ARFGAP3: variants seen among roughly 807,000 people sequenced by gnomAD.
ARFGAP3 encodes ADP-ribosylation factor GTPase-activating protein 3.
A neutral mutation model predicts 75.0 loss-of-function variants in ARFGAP3; 72 were observed. The ratio of observed to expected loss-of-function variants is 0.96; its 90% CI spans 0.79 to 1.17. The LOEUF (loss-of-function observed/expected upper bound fraction) is 1.17. ARFGAP3 is among the 50% of genes most tolerant of loss of function. The probability of loss-of-function intolerance (pLI) is 0.00; values close to 1 mark genes in which losing one functional copy is unlikely to be tolerated. For missense variants in ARFGAP3, 620 were observed against 626.6 expected (o/e 0.99, Z 0.11); for synonymous variants, 221 against 217.9 (o/e 1.01, Z -0.13).
chr22:42,798,430 C>G (rs1455935426), intron 15 of ARFGAP3, among the ~76,000 whole-genome samples: 1 of 152,244 alleles, frequency 6.6e-6, no homozygotes, highest in Non-Finnish European at 1.5e-5. Flanking sequence ...CTGACGTAAA[C>G]AAGAAGGTGC....
chr22:42,799,830 C>CATCA lies in ARFGAP3; in HGVS notation c.1412-674_1412-671dup, dbSNP rs143966992. Among the ~76,000 whole-genome samples the CATCA allele has an allele frequency of 1.2e-4, 19 of 152,322 alleles. No individual in the cohort carries two copies. In the East Asian group the frequency reaches 3.3e-3, roughly 26 times the overall value. On this transcript the variant is annotated intron_variant, in intron 14 of 15. Transcript: ENST00000263245. ...CCCAAGGAGGTGAGCCAAATAGATG[C>CATCA]ATCACTGATGCTGTCTGACTGTGAC...
chr22:42,821,037 C>G (rs1215439828), intron 9 of ARFGAP3, among the ~76,000 whole-genome samples: 4 of 152,128 alleles, frequency 2.6e-5, no homozygotes, highest in African/African-American at 9.7e-5. Context: ...TCCAACTCCT[C>G]CACTTCAGGC....
chr22:42,825,699 A>AT (rs1342817016), intron 7 of ARFGAP3, among the ~76,000 whole-genome samples: 1 of 151,994 alleles, frequency 6.6e-6, no homozygotes, highest in African/African-American at 2.4e-5. Context: ...AAAAAAAAAA[A>AT]AAGAAACATA....
intron 11 of ARFGAP3, among the ~76,000 whole-genome samples, chr22:42,815,474 C>T (rs1925537555): frequency 6.7e-6 from 1 of 150,324 alleles, no homozygotes; most frequent in Admixed American, 6.6e-5. Flanking sequence ...TACTTAGAGA[C>T]ATTTTTAAGG....
chr22:42,831,916 G>C (rs1433777351), intron 5 of ARFGAP3, among the ~76,000 whole-genome samples: 4 of 152,084 alleles, frequency 2.6e-5, no homozygotes, highest in Non-Finnish European at 5.9e-5. Flanking sequence ...CTGAGTAGCT[G>C]AGATTGCAGG....
chr22:42,817,576 T>C (rs1174519586), intron 10 of ARFGAP3, among the ~76,000 whole-genome samples, 153 bp downstream of exon 10: 1 of 152,156 alleles, frequency 6.6e-6, no homozygotes, highest in Non-Finnish European at 1.5e-5. Flanking sequence ...TTTCATGTTA[T>C]ACTGAATACC....
At chr22:42,835,587 C>G in intron 3 of ARFGAP3, 94 bp from the exon 4 acceptor site, 1 of 1,426,758 alleles carries the variant, frequency 7.0e-7, no homozygotes, top group Non-Finnish European at 9.6e-7. Context: ...TCTGGGAGGC[C>G]GAGGCAGGCA....
chr22:42,812,561 G>T (rs1925414603), intron 11 of ARFGAP3, among the ~76,000 whole-genome samples: 1 of 152,054 alleles, frequency 6.6e-6, no homozygotes, highest in Non-Finnish European at 1.5e-5. Context: ...ATATAAGAGG[G>T]AAGCAAGAAC....
At chr22:42,835,577 T>C in intron 3 of ARFGAP3, 84 bp from the exon 4 acceptor site, 1 of 1,497,442 alleles carries the variant, frequency 6.7e-7, no homozygotes, top group East Asian at 2.4e-5. Context: ...ATCCCAGCAC[T>C]CTGGGAGGCC....
chr22:42,854,441 ATGG>A (rs1305295880), intron 1 of ARFGAP3, among the ~76,000 whole-genome samples: 1 of 152,180 alleles, frequency 6.6e-6, no homozygotes, highest in African/African-American at 2.4e-5. Context: ...CCTGGCCAAT[ATGG>A]TGAAACTCCA....
chr22:42,799,537 C>T (rs895015545), intron 14 of ARFGAP3, among the ~76,000 whole-genome samples: 1 of 152,166 alleles, frequency 6.6e-6, no homozygotes, highest in African/African-American at 2.4e-5. Flanking sequence ...CACGGATGGC[C>T]TGTTTCTCAT....
chr22:42,855,850 T>C (rs898241313), intron 1 of ARFGAP3, among the ~76,000 whole-genome samples: 1 of 147,404 alleles, frequency 6.8e-6, no homozygotes, highest in African/African-American at 2.5e-5. Context: ...CAAGACCCTG[T>C]CTCTACAAAA....
chr22:42,835,637 C>T (rs558698634), intron 3 of ARFGAP3, 144 bp from the exon 4 acceptor site: 11 of 827,222 alleles, frequency 1.3e-5, no homozygotes, highest in East Asian at 6.6e-5. Flanking sequence ...CTGGCTAACA[C>T]GGTGAAACCT....
At chr22:42,849,211 A>C (rs1421123419) in intron 1 of ARFGAP3, among the ~76,000 whole-genome samples, 1 of 152,114 alleles carries the variant, frequency 6.6e-6, no homozygotes, top group Non-Finnish European at 1.5e-5. Flanking sequence ...GTCACCCCCA[A>C]ATTCCTGACC....
chr22:42,816,534 T>C (rs1318327671), intron 11 of ARFGAP3, among the ~76,000 whole-genome samples: 1 of 152,204 alleles, frequency 6.6e-6, no homozygotes, highest in Non-Finnish European at 1.5e-5. Context: ...AGTTTAAACT[T>C]GTTCTCTTTG....
At chr22:42,842,127 C>A (rs1359043006) in intron 2 of ARFGAP3, among the ~76,000 whole-genome samples, 2 of 150,594 alleles carry the variant, frequency 1.3e-5, no homozygotes, top group African/African-American at 2.4e-5. Context: ...GCCTCAGCCT[C>A]CTGGGTAGCT....
At chr22:42,839,597 CA>C (rs61512605) in intron 3 of ARFGAP3, among the ~76,000 whole-genome samples, 204 of 112,324 alleles carry the variant, frequency 1.8e-3, no homozygotes, top group African/African-American at 2.1e-3. Flanking sequence ...AACTCTGTCT[CA>C]AAAAAAAAAA....
At chr22:42,818,314 C>T (rs1261393282) in intron 9 of ARFGAP3, among the ~76,000 whole-genome samples, 1 of 152,084 alleles carries the variant, frequency 6.6e-6, no homozygotes, top group African/African-American at 2.4e-5. Context: ...AACTAAGGGG[C>T]TATTACTTAA....
intron 14 of ARFGAP3, among the ~76,000 whole-genome samples, chr22:42,799,505 C>T (rs1924761411): frequency 6.6e-6 from 1 of 152,208 alleles, no homozygotes; most frequent in Non-Finnish European, 1.5e-5. Context: ...GGTAAGTACC[C>T]AGCAAAAGGC....
Sources: allele counts gnomAD v4.1 joint callset (sites outside exome capture counted in the v4.1 genomes callset), GRCh38; gene constraint gnomAD v4.1.1; transcripts MANE v1.5; gene names NCBI Gene and HGNC (gene_info 2026-07-23, HGNC 2026-07-21).